CACNA1C: variants seen among roughly 807,000 people sequenced by gnomAD.
CACNA1C encodes voltage-dependent L-type calcium channel subunit alpha-1C.
In CACNA1C, 30 loss-of-function variants were observed where a neutral mutation model predicts 229.0. The observed-to-expected ratio is 0.13, with a 90% confidence interval of 0.10 to 0.18. The LOEUF is 0.18. CACNA1C is among the 10% of genes least tolerant of loss of function. The pLI is 1.00. For missense variants in CACNA1C, 1,658 were observed against 2,845.0 expected (o/e 0.58, Z 9.49); for synonymous variants, 1,114 against 1,132.5 (o/e 0.98, Z 0.33).
chr12:2,521,096 A>T (rs1220828369), intron 9 of CACNA1C, among the ~76,000 whole-genome samples: 4 of 152,224 alleles, frequency 2.6e-5, no homozygotes, highest in Non-Finnish European at 5.9e-5. Flanking sequence ...CAGAATCCAG[A>T]TGGCTAGGTT....
chr12:2,517,518 G>A (rs532540811), intron 9 of CACNA1C, among the ~76,000 whole-genome samples: 2 of 152,358 alleles, frequency 1.3e-5, no homozygotes, highest in Admixed American at 1.3e-4. Flanking sequence ...CAAAAAAGGG[G>A]CAAGAAAGGG....
intron 3 of CACNA1C, among the ~76,000 whole-genome samples, chr12:2,412,655 C>T (rs1310411767): frequency 1.3e-5 from 2 of 152,050 alleles, no homozygotes; most frequent in African/African-American, 4.8e-5. Flanking sequence ...AATCATCTCA[C>T]TTTTTTTTGA....
chr12:2,350,136 C>A (rs1215291105), intron 3 of CACNA1C, among the ~76,000 whole-genome samples: 1 of 152,156 alleles, frequency 6.6e-6, no homozygotes, highest in Non-Finnish European at 1.5e-5. Context: ...ATAAGGAATT[C>A]CTTCTTGCTG....
intron 3 of CACNA1C, among the ~76,000 whole-genome samples, chr12:2,213,875 G>T (rs756947170): frequency 6.6e-6 from 1 of 152,206 alleles, no homozygotes; most frequent in Non-Finnish European, 1.5e-5. Flanking sequence ...ATTTTTAAGC[G>T]GTAGCTGTAG....
At chr12:2,077,887 C>T (rs1199270358) in intron 1 of CACNA1C, among the ~76,000 whole-genome samples, 1 of 152,100 alleles carries the variant, frequency 6.6e-6, no homozygotes, top group Admixed American at 6.5e-5. Flanking sequence ...ATGTGTGGCA[C>T]CTGAATTCAT....
At chr12:2,352,613 T>C (rs2097236748) in intron 3 of CACNA1C, among the ~76,000 whole-genome samples, 1 of 151,942 alleles carries the variant, frequency 6.6e-6, no homozygotes, top group Admixed American at 6.6e-5. Context: ...AAATAGACTC[T>C]GTGGACCGTT....
At chr12:2,450,378 C>T (rs539443734) in intron 4 of CACNA1C, among the ~76,000 whole-genome samples, 3 of 149,822 alleles carry the variant, frequency 2.0e-5, no homozygotes, top group Non-Finnish European at 4.4e-5. Flanking sequence ...CACGGTGAAA[C>T]CCCGTCTCTA....
At chr12:2,645,248 G>T (rs1039619602) in intron 30 of CACNA1C, among the ~76,000 whole-genome samples, 1 of 152,144 alleles carries the variant, frequency 6.6e-6, no homozygotes, top group African/African-American at 2.4e-5. Flanking sequence ...AGGCTTGGGG[G>T]TGTATGTCTT....
intron 1 of CACNA1C, among the ~76,000 whole-genome samples, chr12:1,994,516 C>G (rs563701019): frequency 1.3e-5 from 2 of 152,192 alleles, no homozygotes; most frequent in East Asian, 3.9e-4. Context: ...CAATCAATAC[C>G]AGAAATAATC....
At chr12:2,463,370 T>C (rs7965296) in intron 5 of CACNA1C, among the ~76,000 whole-genome samples, 113,187 of 152,218 alleles carry the variant, frequency 0.74, 42,727 homozygotes, top group East Asian at 0.88. Context: ...TAAGATTTTG[T>C]TAGCCATTAT....
At chr12:2,203,870 C>T (rs2097674505) in intron 3 of CACNA1C, among the ~76,000 whole-genome samples, 1 of 152,188 alleles carries the variant, frequency 6.6e-6, no homozygotes, top group Admixed American at 6.5e-5. Context: ...TATAGGCCTA[C>T]TTCTGGCCAA....
At chr12:2,468,948 G>T (rs960190275) in intron 5 of CACNA1C, among the ~76,000 whole-genome samples, 1 of 152,206 alleles carries the variant, frequency 6.6e-6, no homozygotes, top group Non-Finnish European at 1.5e-5. Flanking sequence ...TCTGAATCAT[G>T]CGTAATTTTC....
chr12:2,061,433 A>G (rs2057447782), intron 1 of CACNA1C, among the ~76,000 whole-genome samples: 1 of 152,242 alleles, frequency 6.6e-6, no homozygotes, highest in Non-Finnish European at 1.5e-5. Flanking sequence ...TGATACCAGA[A>G]TAATCAGGGA....
chr12:2,246,534 A>G (rs1049962666), intron 3 of CACNA1C, among the ~76,000 whole-genome samples: 1 of 152,158 alleles, frequency 6.6e-6, no homozygotes, highest in African/African-American at 2.4e-5. Context: ...CACTCCTGTA[A>G]CTGCTGGACC....
At chr12:2,251,747 T>C (rs1165633459) in intron 3 of CACNA1C, among the ~76,000 whole-genome samples, 2 of 152,250 alleles carry the variant, frequency 1.3e-5, no homozygotes, top group Admixed American at 6.5e-5. Flanking sequence ...CTCCAGAGAA[T>C]GGAGTCTTCC....
At chr12:2,328,642 A>G (rs2096426902) in intron 3 of CACNA1C, among the ~76,000 whole-genome samples, 2 of 152,190 alleles carry the variant, frequency 1.3e-5, no homozygotes, top group Admixed American at 6.5e-5. Context: ...GGCTTGATAG[A>G]TGAGTTTTAT....
intron 8 of CACNA1C, among the ~76,000 whole-genome samples, chr12:2,505,619 C>T (rs1014707356): frequency 3.9e-5 from 6 of 152,106 alleles, no homozygotes; most frequent in Non-Finnish European, 7.4e-5. Flanking sequence ...GAGCTATGAT[C>T]GTGCCACTGC....
intron 3 of CACNA1C, among the ~76,000 whole-genome samples, chr12:2,383,873 A>C (rs1023224448): frequency 1.3e-5 from 2 of 152,224 alleles, no homozygotes; most frequent in African/African-American, 4.8e-5. Context: ...TCCTCCTTTA[A>C]TCATTTCAGA....
rs115836775 is a variant in CACNA1C, at chr12:2,310,127, C to T, written c.478-138849C>T. ...AACACTTGCCATACAAAGCCCTCTG[C>T]GATGATTAGCTCATTTAACCCTTTA... On this transcript the variant is annotated intron_variant, in intron 3 of 46. Transcript: ENST00000399655. Among the ~76,000 whole-genome samples the T allele has an allele frequency of 6.3e-3, 952 of 152,166 alleles. 6 individuals are homozygous for T. The highest frequency in any genetic ancestry group is 0.021 in the African/African-American group (891 of 41,508).
Sources: gnomAD v4.1 joint callset for allele counts (sites outside exome capture counted in the v4.1 genomes callset) on GRCh38, gnomAD v4.1.1 for gene constraint, MANE v1.5 for transcripts, NCBI Gene and HGNC (gene_info 2026-07-23, HGNC 2026-07-21) for gene names.